NRXN2: variants seen among roughly 807,000 people sequenced by gnomAD.
NRXN2 encodes the protein neurexin 2, also known as neurexin-2-beta.
In NRXN2, 29 loss-of-function variants were observed where a neutral mutation model predicts 128.8. The ratio of observed to expected loss-of-function variants is 0.23; its 90% CI spans 0.17 to 0.31. The LOEUF (loss-of-function observed/expected upper bound fraction) is 0.31. Ranked by LOEUF, NRXN2 falls within the 10% of genes least tolerant of loss-of-function variation. The pLI is 1.00. For synonymous variants in NRXN2, 1,098 were observed against 1,075.2 expected, an observed-to-expected ratio of 1.02 and a Z score of -0.41; for missense variants, 1,881 against 2,452.6, an observed-to-expected ratio of 0.77 and a Z score of 4.92.
At chr11:64,716,147 T>C (rs1289166663) in intron 1 of NRXN2, among the ~76,000 whole-genome samples, 1 of 152,112 alleles carries the variant, frequency 6.6e-6, no homozygotes, top group Non-Finnish European at 1.5e-5. Flanking sequence ...TGTCTGCTGC[T>C]CTCCCAGCAT....
intron 6 of NRXN2, among the ~76,000 whole-genome samples, chr11:64,682,491 C>A (rs192550404): frequency 6.7e-6 from 1 of 150,016 alleles, no homozygotes; most frequent in Non-Finnish European, 1.5e-5. Flanking sequence ...TCCATCCTTG[C>A]GGACCGCATC....
chr11:64,702,868 T>C (rs980647245), intron 2 of NRXN2, among the ~76,000 whole-genome samples: 1 of 147,796 alleles, frequency 6.8e-6, no homozygotes, highest in African/African-American at 2.5e-5. Context: ...TGTGCGCCTG[T>C]AGTCCCAGCT....
chr11:64,645,413 G>T (rs905902043), intron 17 of NRXN2, among the ~76,000 whole-genome samples: 1 of 152,148 alleles, frequency 6.6e-6, no homozygotes, highest in Non-Finnish European at 1.5e-5. Flanking sequence ...AGACTGCAGA[G>T]ATGAACGGAG....
rs137862550 is a variant in NRXN2, at chr11:64,631,656, T to G, written c.3586-1083A>C. Among the ~76,000 whole-genome samples the G allele has an allele frequency of 2.0e-3, 307 of 152,200 alleles. 1 individual carries two copies. The highest frequency in any genetic ancestry group is 7.0e-3 in the African/African-American group (292 of 41,526). On this transcript the variant is annotated intron_variant, in intron 18 of 22. Transcript: ENST00000265459. This position sits in a 1 kb window ranked among gnomAD's most constrained non-coding sequence, Gnocchi z 4.8. ...CAGCTCATGAGAAGGAAGCCCCAGA[T>G]TTGAACCCCAGCTAGTCTGACTTCA...
Position 64,713,598 on chromosome 11 carries a change from G to A in NRXN2, c.102C>T (p.Gly34=). 7.5e-7 allele frequency: 1 copy of A among 1,336,410 alleles called. No individual in the cohort carries two copies. The highest frequency in any genetic ancestry group is 9.6e-7 in the Non-Finnish European group (1 of 1,042,716). The allele number at this position is 1,336,410 out of a possible 1,614,324, so 82.8% of individuals were successfully genotyped here. A position where few individuals can be genotyped will look rare whatever the true frequency, so the allele number is the denominator to read the frequency against. ...ARADGLEFGG[G]PGQWARYARW... is the part of the protein sequence containing the mutation. ...GCGCGTAGCGAGCCCACTGCCCGGGGCCGCCGCCGAACTCCAGGCCGTCCG... is the reference window on the plus strand; with the variant it reads ...GCGCGTAGCGAGCCCACTGCCCGGGACCGCCGCCGAACTCCAGGCCGTCCG... The change falls in exon 2 of 23, where the codon GGC becomes GGT. Residue 34 remains glycine, a synonymous_variant. Transcript: ENST00000265459.
chr11:64,677,002 C>A lies in NRXN2; in HGVS notation c.1188G>T (p.Leu396=). 6.2e-7 allele frequency: 1 copy of A among 1,612,254 alleles called. No homozygotes were observed. Among genetic ancestry groups the A allele is most frequent in the Non-Finnish European group, 8.5e-7 (1 of 1,179,628 alleles). Residue 396 remains leucine, a synonymous_variant, in exon 7 of 23, where the codon CTG becomes CTT. Transcript: ENST00000265459. ...TTAGAGTGATATCTACCAGATAATG[C>A]AGTTTGTTTACCATAGCGTGTCCAA... The part of the protein sequence containing the change: ...AGIGHAMVNK[L]HYLVTISVDG...
intron 2 of NRXN2, among the ~76,000 whole-genome samples, chr11:64,710,101 T>G (rs2056752129): frequency 6.6e-6 from 1 of 151,634 alleles, no homozygotes; most frequent in Non-Finnish European, 1.5e-5. Flanking sequence ...AGAGACGGGG[T>G]TTTACCATGT....
chr11:64,712,707 C>G (rs1433786281), intron 2 of NRXN2: 7 of 640,760 alleles, frequency 1.1e-5, no homozygotes, highest in Non-Finnish European at 2.1e-5. Flanking sequence ...CAGAACCTGA[C>G]CACACAGGCT....
Position 64,623,312 on chromosome 11 carries a change from G to T in NRXN2, c.3848-234C>A. 1.6e-6 allele frequency: 1 copy of T among 644,772 alleles called. No homozygotes were observed. Among genetic ancestry groups the T allele is most frequent in the Non-Finnish European group, 2.6e-6 (1 of 383,530 alleles). The allele number at this position is 644,772 out of a possible 1,614,324, so 39.9% of individuals were successfully genotyped here. On this transcript the variant is annotated intron_variant, in intron 20 of 22. Coordinates refer to ENST00000265459, the MANE Select transcript of NRXN2 (RefSeq NM_015080.4). This position sits in a 1 kb window ranked among gnomAD's most constrained non-coding sequence, Gnocchi z 4.9. Reference sequence around the variant, plus strand: ...GACCCCAGAAGGGGAGGGCACCCAGGGTACACATGGGCTGGGGAAGGGGAG... The same window carrying T: ...GACCCCAGAAGGGGAGGGCACCCAGTGTACACATGGGCTGGGGAAGGGGAG...
intron 22 of NRXN2, among the ~76,000 whole-genome samples, chr11:64,617,804 T>C (rs1023811814): frequency 4.6e-5 from 7 of 152,150 alleles, no homozygotes; most frequent in African/African-American, 1.7e-4. Flanking sequence ...GGTCCTTGCC[T>C]GGCCTCCCAT....
At position 64,626,672 on chromosome 11, in the gene NRXN2, G is replaced by A. The variant is rs1032801910; in HGVS notation, c.3758-120C>T. The A allele has an allele frequency of 1.5e-5, 12 of 802,110 alleles. No individual in the cohort carries two copies. The African/African-American group carries it at 1.9e-4, about 12-fold the overall frequency. 49.7% of individuals were successfully genotyped at this position (802,110 alleles called of 1,614,324 possible). A position where few individuals can be genotyped will look rare whatever the true frequency, so the allele number is the denominator to read the frequency against. On this transcript the variant is annotated intron_variant, in intron 19 of 22. Transcript: ENST00000265459. ...AGCAGCAACATCCACGGAAAGAGGG[G>A]AAGGGAGGAAAAGAAACGCTGGGCC...
At position 64,690,455 on chromosome 11, in the gene NRXN2, T is replaced by C. The variant is rs891361360; in HGVS notation, c.800A>G (p.Glu267Gly). 7 of 1,612,756 alleles carry C rather than the reference T, an allele frequency of 4.3e-6. No individual in the cohort carries two copies. Among genetic ancestry groups the C allele is most frequent in the African/African-American group, 1.3e-5 (1 of 74,772 alleles). ...NSEVGSLLFS[E>G]GGAGRGGAGD... ...GGCTCCTCCTCTCCCGGCCCCCCCC[T>C]CGGAGAACAGTAAGGACCCTACTGG... The change falls in exon 5 of 23, where the codon GAG becomes GGG. Residue 267 changes from glutamate (E) to glycine (G), a missense_variant. Around this residue, in one of 7 missense-constraint regions of NRXN2, gnomAD observed 997 missense variants for 1,240.8 expected, o/e 0.80. Transcript: ENST00000265459.
intron 4 of NRXN2, among the ~76,000 whole-genome samples, chr11:64,691,566 T>C (rs1485628926): frequency 1.3e-5 from 2 of 152,166 alleles, no homozygotes; most frequent in Non-Finnish European, 2.9e-5. Flanking sequence ...ACTAGAATAA[T>C]ACTTGAGCTG....
At chr11:64,688,267 C>T in intron 5 of NRXN2, 3 of 983,190 alleles carry the variant, frequency 3.1e-6, no homozygotes, top group Non-Finnish European at 2.4e-6. Flanking sequence ...GGAGCCTGCG[C>T]CTCCACGGGC....
In NRXN2 at chr11:64,667,423, G is replaced by A; in HGVS notation, c.1625C>T (p.Ala542Val). The A allele has an allele frequency of 6.2e-7, 1 of 1,614,144 alleles. No homozygotes were observed. The highest frequency in any genetic ancestry group is 1.1e-5 in the South Asian group (1 of 91,084). Residue 542 changes from alanine (A) to valine (V), a missense_variant, in exon 9 of 23, where the codon GCT becomes GTT. Ala to Val is a moderately conservative substitution (Grantham distance 64). Around this residue, in one of 7 missense-constraint regions of NRXN2, gnomAD observed 997 missense variants for 1,240.8 expected, o/e 0.80. Coordinates refer to ENST00000265459, the MANE Select transcript of NRXN2 (RefSeq NM_015080.4). The surrounding 1 kb of genome is among the most constrained non-coding windows in gnomAD (Gnocchi z 5.6). ...CCGCTGAGCAGAGCTGTGGCTGCCA[G>A]CTCCACCCCCAGCCCGCCGGCCCTG... ...FSQGRRAGGG[A>V]GSHSSAQRAD...
At chr11:64,697,881 A>G (rs2054786891) in intron 2 of NRXN2, 89 bp from the exon 3 acceptor site, 1 of 1,502,928 alleles carries the variant, frequency 6.7e-7, no homozygotes, top group Non-Finnish European at 9.2e-7. Context: ...AGGGGCTCCA[A>G]GGGGAGAGAG....
At chr11:64,695,195 G>A (rs972029294) in intron 3 of NRXN2, among the ~76,000 whole-genome samples, 1 of 152,146 alleles carries the variant, frequency 6.6e-6, no homozygotes, top group Non-Finnish European at 1.5e-5. Context: ...CCCCACTGGG[G>A]TATTCACTTC....
Position 64,692,891 on chromosome 11 carries a change from G to A in NRXN2, c.749-15C>T. 1 of 1,605,690 alleles carries A rather than the reference G, an allele frequency of 6.2e-7. No individual in the cohort carries two copies. Among genetic ancestry groups the A allele is most frequent in the Non-Finnish European group, 8.5e-7 (1 of 1,173,476 alleles). ...GTGAGCCGGACCTTGGAAAGGGGAAGGAGAGAAAGAAAGAAAGAAAAAAAG... is the reference window on the plus strand; with the variant it reads ...GTGAGCCGGACCTTGGAAAGGGGAAAGAGAGAAAGAAAGAAAGAAAAAAAG... On this transcript the variant is annotated splice_polypyrimidine_tract_variant and intron_variant, in intron 3 of 22. Coordinates refer to ENST00000265459, the MANE Select transcript of NRXN2 (RefSeq NM_015080.4).
At chr11:64,702,826 AG>A (rs1833268022) in intron 2 of NRXN2, among the ~76,000 whole-genome samples, 1 of 151,100 alleles carries the variant, frequency 6.6e-6, no homozygotes. Flanking sequence ...AAAAAAAAAA[AG>A]AAAAATAAAT....
Sources: gnomAD v4.1 joint callset for allele counts (sites outside exome capture counted in the v4.1 genomes callset) on GRCh38, gnomAD v4.1.1 for gene constraint, gnomAD v4.1.1 regional missense constraint, Gnocchi (gnomAD v3.1) non-coding constraint, MANE v1.5 for transcripts, NCBI Gene and HGNC (gene_info 2026-07-23, HGNC 2026-07-21) for gene names.